TLE3: variants seen among roughly 807,000 people sequenced by gnomAD.
The protein encoded by TLE3 is TLE family member 3, transcriptional corepressor, also known as transducin-like enhancer protein 3.
Under a neutral mutation model 93.0 loss-of-function variants are expected in TLE3, and 14 were observed. The observed-to-expected ratio is 0.15, with a 90% CI of 0.10 to 0.24. The LOEUF (loss-of-function observed/expected upper bound fraction) is 0.24, where lower values mean the gene tolerates loss of function less well. Ranked by LOEUF, TLE3 falls within the 10% of genes least tolerant of loss-of-function variation. The probability of loss-of-function intolerance (pLI) is 1.00; values close to 1 mark genes in which losing one functional copy is unlikely to be tolerated. For synonymous variants in TLE3, 451 were observed against 425.0 expected (o/e 1.06, Z -0.75); for missense variants, 693 against 1,046.6 (o/e 0.66, Z 4.66).
intron 9 of TLE3, among the ~76,000 whole-genome samples, chr15:70,059,822 C>G (rs1191131522): frequency 1.3e-5 from 2 of 152,250 alleles, no homozygotes; most frequent in East Asian, 3.8e-4. Flanking sequence ...CCATCCTTCA[C>G]AGTCAGTGTG....
chr15:70,075,436 C>G (rs1423626873), intron 5 of TLE3, among the ~76,000 whole-genome samples: 1 of 152,210 alleles, frequency 6.6e-6, no homozygotes, highest in South Asian at 2.1e-4. Context: ...ATTGCCATAT[C>G]TGATTCTTAT....
chr15:70,093,653 A>C (rs762795307), intron 4 of TLE3, among the ~76,000 whole-genome samples: 2 of 152,222 alleles, frequency 1.3e-5, no homozygotes, highest in Non-Finnish European at 2.9e-5. Context: ...ACAAATACAC[A>C]AACAGGCCTC....
chr15:70,091,147 G>C (rs146653122), intron 4 of TLE3, among the ~76,000 whole-genome samples: 22 of 152,314 alleles, frequency 1.4e-4, no homozygotes, highest in Non-Finnish European at 2.9e-4. Context: ...AGAAGCCAAA[G>C]GGCTCTTCCA....
intron 4 of TLE3, among the ~76,000 whole-genome samples, chr15:70,086,566 C>A (rs1484633082): frequency 1.3e-5 from 2 of 152,204 alleles, no homozygotes; most frequent in Non-Finnish European, 2.9e-5. Context: ...GGGAAGAGCT[C>A]TTCTGCATTT....
Position 70,095,584 on chromosome 15 carries a change from A to G in TLE3, c.183T>C (p.Tyr61=). The change falls in exon 3 of 20, where the codon TAT becomes TAC. Residue 61 remains tyrosine, a synonymous_variant. Transcript: ENST00000451782. ...GCCCGCGGCCGCATCTCACCATCACATAATGGCGCTGCATCTCCGTCTTCT... is the reference window on the plus strand; with the variant it reads ...GCCCGCGGCCGCATCTCACCATCACGTAATGGCGCTGCATCTCCGTCTTCT... ...ANEKTEMQRH[Y]VMYYEMSYGL... is the part of the protein sequence containing the mutation. 6.4e-7 allele frequency: 1 copy of G among 1,551,266 alleles called. No homozygotes were observed. The highest frequency in any genetic ancestry group is 8.7e-7 in the Non-Finnish European group (1 of 1,146,768).
intron 18 of TLE3, 30 bp from the exon 19 acceptor site, chr15:70,051,497 G>A: frequency 6.3e-7 from 1 of 1,584,688 alleles, no homozygotes; most frequent in Non-Finnish European, 8.6e-7. Context: ...GCATGATCAG[G>A]TTGTAGCTCA....
Position 70,058,518 on chromosome 15 carries a change from C to A in TLE3, c.918+145G>T. ...GCTCAGAAACGTTAACTCATTAGCA[C>A]AGGCCCAGCAGGCACAGAAGGTAAA... On this transcript the variant is annotated intron_variant, in intron 11 of 19. Coordinates refer to ENST00000451782, the MANE Select transcript of TLE3 (RefSeq NM_001105192.3). This position sits in a 1 kb window ranked among gnomAD's most constrained non-coding sequence, Gnocchi z 4.1. The A allele has an allele frequency of 7.5e-7, 1 of 1,329,526 alleles. No individual in the cohort carries two copies. The highest frequency in any genetic ancestry group is 2.8e-5 in the Admixed American group (1 of 36,286). 82.4% of individuals were successfully genotyped at this position (1,329,526 alleles called of 1,614,324 possible). A position where few individuals can be genotyped will look rare whatever the true frequency, so the allele number is the denominator to read the frequency against.
rs377510602 is a variant in TLE3, at chr15:70,096,276, G to A, written c.25-15C>T. 1 of 1,550,342 alleles carries A rather than the reference G, an allele frequency of 6.5e-7. No homozygotes were observed. The highest frequency in any genetic ancestry group is 8.7e-7 in the Non-Finnish European group (1 of 1,147,050). ...TGATGGGGAGCCTGGAGCCCGCGAA[G>A]ACAAGACAGGGGAGGGGGCGGGGGC... On this transcript the variant is annotated splice_polypyrimidine_tract_variant and intron_variant, in intron 1 of 19. Transcript: ENST00000451782.
intron 8 of TLE3, among the ~76,000 whole-genome samples, chr15:70,061,540 G>A (rs1200978759): frequency 1.3e-5 from 2 of 152,184 alleles, no homozygotes; most frequent in East Asian, 3.9e-4. Flanking sequence ...ATAGTGGTCA[G>A]AAATCACCAT....
At chr15:70,050,379 G>T in intron 19 of TLE3, 175 bp from the exon 20 acceptor site, 2 of 558,182 alleles carry the variant, frequency 3.6e-6, no homozygotes, top group East Asian at 6.0e-5. Flanking sequence ...AGGAGGTGGG[G>T]GAGGCTTTAA....
chr15:70,076,634 C>A (rs561847629), intron 4 of TLE3, among the ~76,000 whole-genome samples: 1 of 152,284 alleles, frequency 6.6e-6, no homozygotes, highest in East Asian at 1.9e-4. Flanking sequence ...GCAAAGGGTT[C>A]CCTGGGACTA....
At chr15:70,076,920 G>A (rs1019494516) in intron 4 of TLE3, among the ~76,000 whole-genome samples, 4 of 152,010 alleles carry the variant, frequency 2.6e-5, no homozygotes, top group African/African-American at 7.3e-5. Context: ...GTTTCGCCAC[G>A]TTGTCCAGGC....
In TLE3 at chr15:70,054,708, T is replaced by C. The variant is rs753086818; in HGVS notation, c.1579-23A>G. The C allele has an allele frequency of 2.6e-6, 4 of 1,552,982 alleles. No homozygotes were observed. The African/African-American group carries it at 5.4e-5, about 21-fold the overall frequency. ...GTTCTGGAGGGAGAAGGGGCAGGGC[T>C]GAGTGCTGCCTACTTCCCCTCCTGG... is the stretch of plus-strand genomic sequence containing the variant. On this transcript the variant is annotated intron_variant, in intron 15 of 19. Coordinates refer to ENST00000451782, the MANE Select transcript of TLE3 (RefSeq NM_001105192.3).
At chr15:70,064,582 G>T in intron 7 of TLE3, 112 bp from the exon 8 acceptor site, 1 of 1,438,514 alleles carries the variant, frequency 7.0e-7, no homozygotes, top group Non-Finnish European at 9.6e-7. Flanking sequence ...TGATTTGCTA[G>T]TGCACTGGTT....
Position 70,052,527 on chromosome 15 carries a change from G to A in TLE3, c.1975-3C>T. ...GGGCAGTAGCCCAGCGAGAAGATCTGCAGGTGGTGGGAGGGCAGATGGACT... is the reference window on the plus strand; with the variant it reads ...GGGCAGTAGCCCAGCGAGAAGATCTACAGGTGGTGGGAGGGCAGATGGACT... On this transcript the variant is annotated splice_polypyrimidine_tract_variant and splice_region_variant and intron_variant, in intron 17 of 19. Transcript: ENST00000451782. 1 of 1,612,494 alleles carries A rather than the reference G, an allele frequency of 6.2e-7. No individual in the cohort carries two copies. The highest frequency in any genetic ancestry group is 1.1e-5 in the South Asian group (1 of 90,894).
intron 6 of TLE3, among the ~76,000 whole-genome samples, chr15:70,071,170 C>T (rs1232759804): frequency 2.0e-5 from 3 of 152,166 alleles, no homozygotes; most frequent in African/African-American, 4.8e-5. Context: ...AGGTTGCTGA[C>T]CAAGTGTCAA....
chr15:70,059,345 C>A (rs1443195241), intron 10 of TLE3, 65 bp downstream of exon 10: 12 of 1,545,516 alleles, frequency 7.8e-6, no homozygotes, highest in East Asian at 2.4e-5. Flanking sequence ...AGATCCCACC[C>A]TGGGGAGGAA....
chr15:70,077,899 C>G lies in TLE3; in HGVS notation c.235-1741G>C, dbSNP rs1447176057. Among the ~76,000 whole-genome samples the G allele has an allele frequency of 2.0e-5, 3 of 152,330 alleles. No homozygotes were observed. The East Asian group carries it at 5.8e-4, about 29-fold the overall frequency. ...AACAATGGCCCCCACTTCCAAACTGCCCAGCTCAGACCCACTGGGACTCCA... is the reference window on the plus strand; with the variant it reads ...AACAATGGCCCCCACTTCCAAACTGGCCAGCTCAGACCCACTGGGACTCCA... On this transcript the variant is annotated intron_variant, in intron 4 of 19. Coordinates refer to ENST00000451782, the MANE Select transcript of TLE3 (RefSeq NM_001105192.3).
In TLE3 at chr15:70,053,239, G is replaced by A. The variant is rs1213164019; in HGVS notation, c.1962C>T (p.Asp654=). The change falls in exon 17 of 20, where the codon GAC becomes GAT. Residue 654 remains aspartate, a synonymous_variant. Transcript: ENST00000451782. ...LREGRQLQQH[D]FTSQIFSLGY... ...TTGGGCCGCACACCTGGGAAGTGAAGTCATGCTGCTGTAGCTGTCGGCCCT... is the reference window on the plus strand; with the variant it reads ...TTGGGCCGCACACCTGGGAAGTGAAATCATGCTGCTGTAGCTGTCGGCCCT... The A allele has an allele frequency of 1.2e-6, 2 of 1,609,750 alleles. No individual in the cohort carries two copies. Among genetic ancestry groups the A allele is most frequent in the African/African-American group, 1.3e-5 (1 of 74,878 alleles).
Sources: gnomAD v4.1 joint callset for allele counts (sites outside exome capture counted in the v4.1 genomes callset) on GRCh38, gnomAD v4.1.1 for gene constraint, Gnocchi (gnomAD v3.1) non-coding constraint, MANE v1.5 for transcripts, NCBI Gene and HGNC (gene_info 2026-07-23, HGNC 2026-07-21) for gene names.